Variants in TMEM260 observed in about 807,000 individuals in gnomAD.
TMEM260 encodes the protein protein O-mannosyl-transferase TMEM260.
TMEM260 carries 82 observed loss-of-function variants against 88.9 expected under a neutral mutation model. The ratio of observed to expected loss-of-function variants is 0.92; its 90% CI spans 0.77 to 1.11. The LOEUF is 1.11. Ranked by LOEUF, TMEM260 falls within the 50% of genes least tolerant of loss-of-function variation. The pLI is 0.00. For missense variants in TMEM260, 902 were observed against 853.4 expected (o/e 1.06, Z -0.71); for synonymous variants, 314 against 309.3 (o/e 1.02, Z -0.16).
chr14:56,582,440 G>A (rs932100958), intron 1 of TMEM260, among the ~76,000 whole-genome samples: 1 of 152,182 alleles, frequency 6.6e-6, no homozygotes, highest in Non-Finnish European at 1.5e-5. Flanking sequence ...GATGTGATGT[G>A]TGACAGTCTA....
At chr14:56,633,232 A>T in intron 13 of TMEM260, 61 bp downstream of exon 13, 1 of 1,399,376 alleles carries the variant, frequency 7.1e-7, no homozygotes, top group Non-Finnish European at 9.6e-7. Context: ...ACCCAAAAAA[A>T]CTACTACATT....
At chr14:56,609,861 C>T (rs1381186664) in intron 6 of TMEM260, among the ~76,000 whole-genome samples, 1 of 152,090 alleles carries the variant, frequency 6.6e-6, no homozygotes, top group African/African-American at 2.4e-5. Flanking sequence ...TAAATATAGT[C>T]ACAGTAAAGA....
chr14:56,662,560 C>T, the TMEM260 span, among the ~76,000 whole-genome samples: 1 of 152,190 alleles, frequency 6.6e-6, no homozygotes, highest in East Asian at 1.9e-4. Context: ...CACCCCTGTG[C>T]CCACTAGAAT....
intron 3 of TMEM260, among the ~76,000 whole-genome samples, chr14:56,593,974 A>C (rs533301215): frequency 6.6e-6 from 1 of 152,090 alleles, no homozygotes; most frequent in East Asian, 1.9e-4. Context: ...GGCGTGAGCC[A>C]CCGCGCCCGG....
chr14:56,644,961 T>G (rs1889855779), intron 15 of TMEM260, among the ~76,000 whole-genome samples: 1 of 152,026 alleles, frequency 6.6e-6, no homozygotes, highest in African/African-American at 2.4e-5. Flanking sequence ...CTCACACCAG[T>G]TAGAATGGCA....
intron 2 of TMEM260, 42 bp downstream of exon 2, chr14:56,585,074 A>G (rs1287800845): frequency 2.5e-6 from 4 of 1,572,334 alleles, no homozygotes; most frequent in Non-Finnish European, 2.6e-6. Context: ...TCTCATTAAC[A>G]GTTTTAGGAA....
chr14:56,623,430 C>T (rs767796038), intron 11 of TMEM260, among the ~76,000 whole-genome samples: 1 of 152,008 alleles, frequency 6.6e-6, no homozygotes, highest in Non-Finnish European at 1.5e-5. Flanking sequence ...AACATGTGCC[C>T]CAGAAGCCCC....
At chr14:56,608,729 T>A (rs1400721216) in intron 5 of TMEM260, among the ~76,000 whole-genome samples, 6 of 152,206 alleles carry the variant, frequency 3.9e-5, no homozygotes, top group Admixed American at 3.9e-4. Context: ...CTTAGAATTG[T>A]ATTTTGGGCA....
chr14:56,626,832 G>A (rs1888272482), intron 12 of TMEM260, among the ~76,000 whole-genome samples: 1 of 152,174 alleles, frequency 6.6e-6, no homozygotes, highest in Non-Finnish European at 1.5e-5. Flanking sequence ...AAGACGATCA[G>A]TATCATCTGT....
intron 9 of TMEM260, 40 bp from the exon 10 acceptor site, chr14:56,618,554 A>G: frequency 3.1e-6 from 5 of 1,597,000 alleles, no homozygotes; most frequent in Non-Finnish European, 4.3e-6. Context: ...ATAGCATTAA[A>G]TAGTCAACTG....
intron 5 of TMEM260, 66 bp downstream of exon 5, chr14:56,605,749 C>A: frequency 2.0e-6 from 2 of 990,786 alleles, no homozygotes; most frequent in Non-Finnish European, 3.0e-6. Context: ...ACATTTTTGT[C>A]ATGAGAAAAT....
chr14:56,585,989 A>G, intron 3 of TMEM260, 77 bp downstream of exon 3: 1 of 1,451,156 alleles, frequency 6.9e-7, no homozygotes, highest in Admixed American at 2.3e-5. Flanking sequence ...TACATACATT[A>G]AAAAAATCTT....
rs187519934 is a variant in TMEM260 at position 56,637,467 on chromosome 14, G to T, written c.1869+869G>T. On this transcript the variant is annotated intron_variant, in intron 15 of 15. Coordinates refer to ENST00000261556, the MANE Select transcript of TMEM260 (RefSeq NM_017799.4). ...ATCGGTCCTTTCTGATGGGAAGTGGGAGCAGATACAAGAGGCTTGCTGTGG... is the reference window on the plus strand; with the variant it reads ...ATCGGTCCTTTCTGATGGGAAGTGGTAGCAGATACAAGAGGCTTGCTGTGG... 6.6e-5 allele frequency among the ~76,000 whole-genome samples: 10 copies of T among 152,312 alleles called. No individual in the cohort carries two copies. The East Asian group carries it at 1.9e-3, about 29-fold the overall frequency.
downstream of TMEM260, among the ~76,000 whole-genome samples, chr14:56,653,859 G>A (rs1890254613): frequency 6.6e-6 from 1 of 151,752 alleles, no homozygotes; most frequent in Non-Finnish European, 1.5e-5. Context: ...CAAGTGACTT[G>A]ATTACTGTCA....
intron 3 of TMEM260, among the ~76,000 whole-genome samples, chr14:56,591,207 A>G (rs1343551127): frequency 6.6e-6 from 1 of 152,246 alleles, no homozygotes; most frequent in Non-Finnish European, 1.5e-5. Flanking sequence ...TAATAAATGC[A>G]CATATTTCTT....
intron 14 of TMEM260, among the ~76,000 whole-genome samples, 198 bp from the exon 15 acceptor site, chr14:56,636,309 TG>T (rs1305385139): frequency 6.6e-6 from 1 of 152,200 alleles, no homozygotes; most frequent in African/African-American, 2.4e-5. Context: ...GTCATTAGTG[TG>T]AATGCAGCAT....
In TMEM260 at chr14:56,648,368, C is replaced by G. The variant is rs1399466243; in HGVS notation, c.*871C>G. ...ATAGTAAGAAATGCAAATAATAGTT[C>G]TTTATTTTATTATGACAGTTAATTA... On this transcript the variant is annotated 3_prime_UTR_variant, in exon 16 of 16. Transcript: ENST00000261556. The G allele has an allele frequency of 6.6e-6, 1 of 152,538 alleles. No homozygotes were observed. Among genetic ancestry groups the G allele is most frequent in the Non-Finnish European group, 1.5e-5 (1 of 67,994 alleles). 9.4% of individuals were successfully genotyped at this position (152,538 alleles called of 1,614,324 possible). A position where few individuals can be genotyped will look rare whatever the true frequency, so the allele number is the denominator to read the frequency against.
intron 3 of TMEM260, among the ~76,000 whole-genome samples, chr14:56,589,287 G>C (rs1222802487): frequency 6.6e-6 from 1 of 152,068 alleles, no homozygotes; most frequent in Non-Finnish European, 1.5e-5. Context: ...CAGTGCAGGG[G>C]ATGTATTTTC....
chr14:56,637,697 T>C (rs1889219905), intron 15 of TMEM260, among the ~76,000 whole-genome samples: 1 of 152,254 alleles, frequency 6.6e-6, no homozygotes, highest in Admixed American at 6.5e-5. Context: ...TGTTTGGTGC[T>C]AAGACAAAAT....
Sources: gnomAD v4.1 joint callset for allele counts (sites outside exome capture counted in the v4.1 genomes callset) on GRCh38, gnomAD v4.1.1 for gene constraint, MANE v1.5 for transcripts, NCBI Gene and HGNC (gene_info 2026-07-23, HGNC 2026-07-21) for gene names.